Variants in KDM3B observed in about 807,000 individuals in gnomAD.
The protein encoded by KDM3B is lysine demethylase 3B.
In KDM3B, 10 loss-of-function variants were observed where a neutral mutation model predicts 170.0. The observed-to-expected ratio is 0.06, with a 90% CI of 0.04 to 0.10. The LOEUF (loss-of-function observed/expected upper bound fraction) is 0.10. Among genes scored for constraint, KDM3B ranks in the 10% least tolerant of loss-of-function variants. The pLI is 1.00. For missense variants in KDM3B, 1,394 were observed against 2,195.2 expected (o/e 0.64, Z 7.29); for synonymous variants, 831 against 834.8 (o/e 1.00, Z 0.08).
chr5:138,429,558 C>T (rs906864085), intron 20 of KDM3B, among the ~76,000 whole-genome samples: 7 of 152,146 alleles, frequency 4.6e-5, no homozygotes, highest in Admixed American at 2.0e-4. Context: ...GCAAGTTAAA[C>T]ATAAGATATG....
rs1349407692 is a variant in KDM3B, at chr5:138,419,000, C to T, written c.3483C>T (p.Phe1161=). Residue 1161 remains phenylalanine, a synonymous_variant, in exon 14 of 24, where the codon TTC becomes TTT. Coordinates refer to ENST00000314358, the MANE Select transcript of KDM3B (RefSeq NM_016604.4). ...PSASSGNETT[F]SGGGGPAPVT... is the part of the protein sequence containing the mutation. ...CCTCTTCTGGAAACGAAACTACCTTCTCTGGTGGAGGAGGACCGGCACCAG... is the reference window on the plus strand; with the variant it reads ...CCTCTTCTGGAAACGAAACTACCTTTTCTGGTGGAGGAGGACCGGCACCAG... 3 of 1,614,206 alleles carry T rather than the reference C, an allele frequency of 1.9e-6. No individual in the cohort carries two copies. The highest frequency in any genetic ancestry group is 2.5e-6 in the Non-Finnish European group (3 of 1,180,036).
At chr5:138,421,019 G>T in intron 15 of KDM3B, 57 bp downstream of exon 15, 1 of 1,593,520 alleles carries the variant, frequency 6.3e-7, no homozygotes, top group Non-Finnish European at 8.6e-7. Context: ...AACCATCAGA[G>T]ATCAGATAAT....
chr5:138,354,938 C>T (rs1761413543), intron 1 of KDM3B, among the ~76,000 whole-genome samples: 1 of 152,164 alleles, frequency 6.6e-6, no homozygotes, highest in African/African-American at 2.4e-5. Flanking sequence ...CAAAATTGTT[C>T]AAGAATTGGT....
intron 6 of KDM3B, among the ~76,000 whole-genome samples, chr5:138,383,936 G>A (rs181720679): frequency 3.9e-4 from 59 of 149,572 alleles, no homozygotes; most frequent in African/African-American, 1.4e-3. Context: ...GGTGGCAAGA[G>A]CAAAACTCCG....
chr5:138,358,972 T>C (rs1215741366), intron 1 of KDM3B, among the ~76,000 whole-genome samples: 1 of 119,638 alleles, frequency 8.4e-6, no homozygotes, highest in African/African-American at 3.2e-5. Context: ...GTCTTCAGAG[T>C]GTGATGTTCC....
chr5:138,355,084 A>G (rs540325809), intron 1 of KDM3B, among the ~76,000 whole-genome samples: 1 of 152,362 alleles, frequency 6.6e-6, no homozygotes, highest in African/African-American at 2.4e-5. Context: ...ACACGGTAGT[A>G]AACACAACTG....
chr5:138,424,086 C>A lies in KDM3B; in HGVS notation c.3984C>A (p.Ser1328Arg). 6.4e-7 allele frequency: 1 copy of A among 1,561,914 alleles called. No individual in the cohort carries two copies. The highest frequency in any genetic ancestry group is 1.8e-5 in the Admixed American group (1 of 55,090). The change falls in exon 16 of 24, where the codon AGC (serine) becomes AGA (arginine). Residue 1328 changes from serine to arginine, a missense_variant. This residue lies in a region of KDM3B where 137 missense variants were observed against 166.9 expected (regional missense o/e 0.82). Transcript: ENST00000314358. The stretch of plus-strand genomic sequence containing the variant: ...TTTGTGTCTGGCAGGGAGTGAAGAG[C>A]AAGGCCAGCCTACCCAACTTTCTTG... ...VFSTSSAGVKSKASLPNFLDH... is the reference protein window; with the variant it reads ...VFSTSSAGVKRKASLPNFLDH...
In KDM3B at chr5:138,379,642, G is replaced by A; in HGVS notation, c.639G>A (p.Gly213=). Residue 213 remains glycine, a synonymous_variant, in exon 5 of 24, where the codon GGG becomes GGA. Transcript: ENST00000314358. ...TATATCAGCCAGAGGGGGAAGAAGG[G>A]TGGCTCTATGGTGTTGTGAGCCATC... The part of the protein sequence containing the change: ...VKIYQPEGEE[G]WLYGVVSHQD... 2 of 1,613,278 alleles carry A rather than the reference G, an allele frequency of 1.2e-6. No homozygotes were observed. The highest frequency in any genetic ancestry group is 8.5e-7 in the Non-Finnish European group (1 of 1,179,382).
At chr5:138,404,024 A>G (rs954495074) in intron 11 of KDM3B, among the ~76,000 whole-genome samples, 13 of 149,548 alleles carry the variant, frequency 8.7e-5, no homozygotes, top group African/African-American at 3.2e-4. Context: ...AATGTAGAAG[A>G]AAAAAAAAAG....
Position 138,424,310 on chromosome 5 carries a change from A to G in KDM3B, c.4208A>G (p.Lys1403Arg), listed in dbSNP as rs1489617073. ...GACCCCAGCAACAAAAACAATTGGA[A>G]GATCTTCCGGGAGTGTTGGAAGCAA... The part of the protein sequence containing the change: ...LHDPSNKNNW[K>R]IFRECWKQGQ... The change falls in exon 16 of 24, where the codon AAG becomes AGG. Residue 1403 changes from lysine (K) to arginine (R), a missense_variant. This residue lies in a region of KDM3B where 66 missense variants were observed against 178.8 expected (regional missense o/e 0.37). Coordinates refer to ENST00000314358, the MANE Select transcript of KDM3B (RefSeq NM_016604.4). The G allele has an allele frequency of 1.2e-6, 2 of 1,614,020 alleles. No individual in the cohort carries two copies. The highest frequency in any genetic ancestry group is 3.3e-5 in the Admixed American group (2 of 59,986).
At chr5:138,390,730 C>T (rs924149461) in intron 7 of KDM3B, among the ~76,000 whole-genome samples, 1 of 152,158 alleles carries the variant, frequency 6.6e-6, no homozygotes, top group Non-Finnish European at 1.5e-5. Flanking sequence ...GGCCTTCTAG[C>T]ACTGTGACGA....
At chr5:138,430,982 C>G (rs1018427897) in intron 22 of KDM3B, among the ~76,000 whole-genome samples, 1 of 152,246 alleles carries the variant, frequency 6.6e-6, no homozygotes, top group Non-Finnish European at 1.5e-5. Flanking sequence ...TATCAATCCC[C>G]TTATCCTACC....
At chr5:138,413,490 A>G (rs952544552) in intron 11 of KDM3B, among the ~76,000 whole-genome samples, 9 of 152,244 alleles carry the variant, frequency 5.9e-5, no homozygotes, top group Non-Finnish European at 1.3e-4. Flanking sequence ...CACTTTGGAA[A>G]GCAAGAAGGT....
intron 10 of KDM3B, among the ~76,000 whole-genome samples, chr5:138,398,751 G>A (rs1762606208): frequency 6.6e-6 from 1 of 151,968 alleles, no homozygotes; most frequent in Non-Finnish European, 1.5e-5. Flanking sequence ...TAAATAGATG[G>A]TGTGCTACTA....
At position 138,399,924 on chromosome 5, in the gene KDM3B, T is replaced by C; in HGVS notation, c.3111T>C (p.Thr1037=). 2 of 1,614,184 alleles carry C rather than the reference T, an allele frequency of 1.2e-6. No homozygotes were observed. Among genetic ancestry groups the C allele is most frequent in the Non-Finnish European group, 1.7e-6 (2 of 1,180,026 alleles). Residue 1037 remains threonine (T), a synonymous_variant, in exon 11 of 24, where the codon ACT becomes ACC. Coordinates refer to ENST00000314358, the MANE Select transcript of KDM3B (RefSeq NM_016604.4). ...VREMCDVCET[T]LFNIHWVCRK... ...AGATGTGTGATGTGTGTGAAACAAC[T>C]CTCTTCAACATCCACTGGGTTTGTC...
intron 23 of KDM3B, among the ~76,000 whole-genome samples, chr5:138,434,292 G>A (rs899485608): frequency 2.0e-5 from 3 of 152,072 alleles, no homozygotes; most frequent in Non-Finnish European, 2.9e-5. Context: ...GCTCACGCCT[G>A]TAATCCCAAC....
In KDM3B at chr5:138,431,502, G is replaced by A. The variant is rs570066009; in HGVS notation, c.5148G>A (p.Leu1716=). 1.2e-6 allele frequency: 2 copies of A among 1,612,332 alleles called. No individual in the cohort carries two copies. Among genetic ancestry groups the A allele is most frequent in the South Asian group, 2.2e-5 (2 of 90,662 alleles). ...SPEHVKHCFR[L]TQEFRHLSNT... Reference sequence around the variant, plus strand: ...AACATGTAAAGCACTGTTTCCGCCTGACTCAGGAATTCAGGCATCTCTCTA... The same window carrying A: ...AACATGTAAAGCACTGTTTCCGCCTAACTCAGGAATTCAGGCATCTCTCTA... Residue 1716 remains leucine (L), a synonymous_variant, in exon 23 of 24, where the codon CTG becomes CTA. Coordinates refer to ENST00000314358, the MANE Select transcript of KDM3B (RefSeq NM_016604.4).
chr5:138,399,543 A>AT (rs939079703), intron 10 of KDM3B, among the ~76,000 whole-genome samples: 3 of 151,568 alleles, frequency 2.0e-5, no homozygotes, highest in African/African-American at 4.8e-5. Flanking sequence ...ATCTCAAAAA[A>AT]ATATATATAT....
chr5:138,409,631 A>G (rs1249133288), intron 11 of KDM3B, among the ~76,000 whole-genome samples: 1 of 152,200 alleles, frequency 6.6e-6, no homozygotes, highest in Non-Finnish European at 1.5e-5. Flanking sequence ...CAAAGATTGA[A>G]TATGGGCTGC....
Sources: gnomAD v4.1 joint callset for allele counts (sites outside exome capture counted in the v4.1 genomes callset) on GRCh38, gnomAD v4.1.1 for gene constraint, gnomAD v4.1.1 regional missense constraint, MANE v1.5 for transcripts, NCBI Gene and HGNC (gene_info 2026-07-23, HGNC 2026-07-21) for gene names.